Variants in F11R observed in about 807,000 individuals in gnomAD.
F11R encodes the protein junctional adhesion molecule A.
In F11R, 27 loss-of-function variants were observed where a neutral mutation model predicts 39.3. That is an observed-to-expected ratio of 0.69 (90% CI 0.51 to 0.95). F11R has a LOEUF of 0.95. Ranked by LOEUF, F11R falls within the 40% of genes least tolerant of loss-of-function variation. The pLI is 0.00. For synonymous variants in F11R, 131 were observed against 144.9 expected (o/e 0.90, Z 0.69); for missense variants, 335 against 372.7 (o/e 0.90, Z 0.83).
At position 160,997,826 on chromosome 1, in the gene F11R, C is replaced by T. The variant is rs1648217667; in HGVS notation, c.*1045G>A. On this transcript the variant is annotated 3_prime_UTR_variant, in exon 10 of 10. Transcript: ENST00000368026. ...TCAGCATACAGCTAAGACTACACAACACACACACAAGCTCAACAAAGAGCT... is the reference window on the plus strand; with the variant it reads ...TCAGCATACAGCTAAGACTACACAATACACACACAAGCTCAACAAAGAGCT... The T allele has an allele frequency of 6.5e-6, 1 of 153,228 alleles. No homozygotes were observed. Among genetic ancestry groups the T allele is most frequent in the African/African-American group, 2.4e-5 (1 of 41,572 alleles). The allele number at this position is 153,228 out of a possible 1,614,324, so 9.5% of individuals were successfully genotyped here. A position where few individuals can be genotyped will look rare whatever the true frequency, so the allele number is the denominator to read the frequency against.
Position 161,021,015 on chromosome 1 carries a change from A to G in F11R, c.59T>C (p.Leu20Pro). 1 of 1,614,104 alleles carries G rather than the reference A, an allele frequency of 6.2e-7. No homozygotes were observed. The change falls in exon 1 of 10, where the codon CTG becomes CCG. Residue 20 changes from leucine to proline, a missense_variant. Transcript: ENST00000368026. Reference sequence around the variant, plus strand: ...CCGAAACTCTGGGAACTTACACAACAGGATCGCCAATATGAAGAGGCACAA... The same window carrying G: ...CCGAAACTCTGGGAACTTACACAACGGGATCGCCAATATGAAGAGGCACAA... ...KLLCLFILAI[L>P]LCSLALGSVT...
At chr1:161,019,981 T>C (rs1390572771) in intron 1 of F11R, among the ~76,000 whole-genome samples, 2 of 152,150 alleles carry the variant, frequency 1.3e-5, no homozygotes, top group Non-Finnish European at 2.9e-5. Flanking sequence ...TAATCATTCA[T>C]TTAACACTTT....
rs1649207333 is a variant in F11R, at chr1:161,012,371, G to GATTC, written c.64+8638_64+8639insGAAT. Among the ~76,000 whole-genome samples the GATTC allele has an allele frequency of 2.0e-5, 3 of 152,234 alleles. No individual in the cohort carries two copies. In the South Asian group the frequency reaches 6.2e-4, roughly 32 times the overall value. ...GGCTTATAATCGCAGCATTTTGGAA[G>GATTC]GCCAAGATGGGAGAATCACTTGAGC... On this transcript the variant is annotated intron_variant, in intron 1 of 9. Coordinates refer to ENST00000368026, the MANE Select transcript of F11R (RefSeq NM_016946.6).
intron 1 of F11R, among the ~76,000 whole-genome samples, chr1:161,016,518 G>A (rs547564361): frequency 3.9e-4 from 59 of 151,596 alleles, no homozygotes; most frequent in African/African-American, 1.4e-3. Flanking sequence ...TTAGCCGGGC[G>A]TGGTGGCGCG....
chr1:161,004,868 A>C (rs1648708985), intron 1 of F11R, among the ~76,000 whole-genome samples: 1 of 152,038 alleles, frequency 6.6e-6, no homozygotes. Flanking sequence ...AAATGTAATA[A>C]TAGATATGGA....
At position 160,998,910 on chromosome 1, in the gene F11R, C is replaced by T. The variant is rs1387548586; in HGVS notation, c.865-4G>A. The T allele has an allele frequency of 6.2e-7, 1 of 1,614,094 alleles. No homozygotes were observed. The highest frequency in any genetic ancestry group is 1.7e-5 in the Admixed American group (1 of 60,008). On this transcript the variant is annotated splice_region_variant and splice_polypyrimidine_tract_variant and intron_variant, in intron 9 of 9. Transcript: ENST00000368026. ...ACGAGGTCTGTTTGAATTCTCCCTG[C>T]AGAAATAAAACATCCAGTCAACTCT... is the stretch of plus-strand genomic sequence containing the variant.
intron 4 of F11R, 90 bp from the exon 5 acceptor site, chr1:161,000,438 A>G: frequency 6.9e-7 from 1 of 1,448,970 alleles, no homozygotes; most frequent in Non-Finnish European, 9.6e-7. Flanking sequence ...CCAACTACTC[A>G]GCTCAAGCCT....
At chr1:161,008,755 G>A (rs1201032352) in intron 1 of F11R, among the ~76,000 whole-genome samples, 1 of 152,186 alleles carries the variant, frequency 6.6e-6, no homozygotes, top group Non-Finnish European at 1.5e-5. Context: ...CACCAATGCA[G>A]TCCAACTGCA....
At chr1:161,001,451 A>G in intron 1 of F11R, 98 bp from the exon 2 acceptor site, 1 of 957,614 alleles carries the variant, frequency 1.0e-6, no homozygotes. Context: ...CTCCATTCAC[A>G]GACCCTAAGA....
chr1:161,018,362 C>T (rs1433091338), intron 1 of F11R, among the ~76,000 whole-genome samples: 1 of 152,188 alleles, frequency 6.6e-6, no homozygotes, highest in African/African-American at 2.4e-5. Context: ...CTATCCACGC[C>T]TCTCAGGGAC....
At chr1:161,019,727 G>A (rs1649645285) in intron 1 of F11R, among the ~76,000 whole-genome samples, 1 of 152,150 alleles carries the variant, frequency 6.6e-6, no homozygotes, top group South Asian at 2.1e-4. Flanking sequence ...CTGAGATGCT[G>A]GATCAAAGAA....
At chr1:161,011,790 A>T (rs1009357786) in intron 1 of F11R, among the ~76,000 whole-genome samples, 15 of 152,176 alleles carry the variant, frequency 9.9e-5, no homozygotes, top group Admixed American at 9.2e-4. Context: ...ATTAATTCAT[A>T]AAGACTAGAA....
chr1:161,010,953 G>A (rs1275666323), intron 1 of F11R, among the ~76,000 whole-genome samples: 3 of 135,488 alleles, frequency 2.2e-5, no homozygotes, highest in Non-Finnish European at 3.1e-5. Context: ...CAGTCTGGGC[G>A]ATAGAGTGGG....
rs1188252991 is a variant in F11R, at chr1:161,006,146, A to AG, written c.65-4794_65-4793insC. ...CAGTGAGACTCCATCTCAAAAAAAA[A>AG]AGGGGGGGGGCACTTCTGTTCCAAA... On this transcript the variant is annotated intron_variant, in intron 1 of 9. Transcript: ENST00000368026. Among the ~76,000 whole-genome samples, 190 of 149,002 alleles carry AG rather than the reference A, an allele frequency of 1.3e-3. 1 individual carries two copies. Among genetic ancestry groups the AG allele is most frequent in the Middle Eastern group, 3.4e-3 (1 of 292 alleles).
intron 8 of F11R, 149 bp from the exon 9 acceptor site, chr1:160,999,240 G>A (rs1049822746): frequency 1.4e-6 from 2 of 1,416,182 alleles, no homozygotes; most frequent in Non-Finnish European, 2.0e-6. Flanking sequence ...ACAGACCCAG[G>A]GCCAAGGCCA....
intron 1 of F11R, among the ~76,000 whole-genome samples, chr1:161,008,692 G>A (rs1648965385): frequency 6.6e-6 from 1 of 152,212 alleles, no homozygotes. Context: ...CTGAGGCCCA[G>A]AGTAGTTAAG....
rs1648197858 is a variant in F11R, at chr1:160,997,504, G to C, written c.*1367C>G. 6.6e-6 allele frequency: 1 copy of C among 152,558 alleles called. No individual in the cohort carries two copies. The highest frequency in any genetic ancestry group is 1.5e-5 in the Non-Finnish European group (1 of 68,098). 9.5% of individuals were successfully genotyped at this position (152,558 alleles called of 1,614,324 possible). A position where few individuals can be genotyped will look rare whatever the true frequency, so the allele number is the denominator to read the frequency against. ...CCAGCAAAGGAAGGCCTGGCCACAA[G>C]AGGGCTCTGGAATGAAGGCCTGAAA... is the stretch of plus-strand genomic sequence containing the variant. On this transcript the variant is annotated 3_prime_UTR_variant, in exon 10 of 10. Transcript: ENST00000368026.
At chr1:161,003,760 G>GTAT (rs1271873461) in intron 1 of F11R, among the ~76,000 whole-genome samples, 5 of 151,492 alleles carry the variant, frequency 3.3e-5, no homozygotes, top group Non-Finnish European at 5.9e-5. Context: ...CTAGTTTTTT[G>GTAT]TATTATTATT....
intron 4 of F11R, 67 bp from the exon 5 acceptor site, chr1:161,000,415 T>C: frequency 2.0e-6 from 3 of 1,516,612 alleles, no homozygotes; most frequent in Non-Finnish European, 2.7e-6. Context: ...AGTAACCAAC[T>C]ACAATGGTAC....
Sources: gnomAD v4.1 joint callset for allele counts (sites outside exome capture counted in the v4.1 genomes callset) on GRCh38, gnomAD v4.1.1 for gene constraint, MANE v1.5 for transcripts, NCBI Gene and HGNC (gene_info 2026-07-23, HGNC 2026-07-21) for gene names.